The following HS6ST3 variants were observed in gnomAD, a reference collection of about 807,000 sequenced individuals.
The protein encoded by HS6ST3 is heparan sulfate 6-O-sulfotransferase 3.
Under a neutral mutation model 36.7 loss-of-function variants are expected in HS6ST3, and 12 were observed. The observed-to-expected ratio is 0.33, with a 90% confidence interval of 0.21 to 0.53. The LOEUF is 0.53. Ranked by LOEUF, HS6ST3 falls within the 20% of genes least tolerant of loss-of-function variation. The pLI, the probability that HS6ST3 is intolerant of heterozygous loss-of-function variation, is 0.95. For missense variants in HS6ST3, 584 were observed against 640.9 expected (o/e 0.91, Z 0.96); for synonymous variants, 240 against 257.5 (o/e 0.93, Z 0.65).
chr13:96,147,079 C>T (rs1026269711), intron 1 of HS6ST3, among the ~76,000 whole-genome samples: 1 of 152,188 alleles, frequency 6.6e-6, no homozygotes, highest in Non-Finnish European at 1.5e-5. Context: ...GTCAAACTTT[C>T]ATTTTCTCAA....
chr13:96,578,131 C>T (rs1277698870), intron 1 of HS6ST3, among the ~76,000 whole-genome samples: 1 of 152,216 alleles, frequency 6.6e-6, no homozygotes, highest in East Asian at 1.9e-4. Flanking sequence ...CCCTTATCCT[C>T]CCACACAAGT....
intron 1 of HS6ST3, among the ~76,000 whole-genome samples, chr13:96,212,429 G>A (rs1482541851): frequency 6.6e-6 from 1 of 152,216 alleles, no homozygotes; most frequent in Non-Finnish European, 1.5e-5. Context: ...AATAATTAGA[G>A]AAAATTAGGA....
At chr13:96,287,594 C>T (rs2054809904) in intron 1 of HS6ST3, among the ~76,000 whole-genome samples, 1 of 152,048 alleles carries the variant, frequency 6.6e-6, no homozygotes, top group Non-Finnish European at 1.5e-5. Flanking sequence ...TAATGCTGAA[C>T]ATAATTACAA....
chr13:96,678,599 A>G (rs2056707274), intron 1 of HS6ST3, among the ~76,000 whole-genome samples: 2 of 151,820 alleles, frequency 1.3e-5, no homozygotes, highest in East Asian at 3.9e-4. Flanking sequence ...GCTTGAATCC[A>G]GGAGGCAGAG....
chr13:96,240,175 T>C (rs1273729523), intron 1 of HS6ST3, among the ~76,000 whole-genome samples: 2 of 152,226 alleles, frequency 1.3e-5, no homozygotes, highest in Admixed American at 6.5e-5. Context: ...CATTTCAGGT[T>C]CAGTACTAGG....
rs1594788743 is a variant in HS6ST3 at position 96,477,129 on chromosome 13, C to T, written c.708-355361C>T. Among the ~76,000 whole-genome samples, 6 of 152,162 alleles carry T rather than the reference C, an allele frequency of 3.9e-5. No individual in the cohort carries two copies. The South Asian group carries it at 1.2e-3, about 31-fold the overall frequency. ...TTTAGAGTTCTCCCCATTCCTCCCT[C>T]TCCCCATCACCGAAATTACACTCTA... On this transcript the variant is annotated intron_variant, in intron 1 of 1. Transcript: ENST00000376705.
intron 1 of HS6ST3, among the ~76,000 whole-genome samples, chr13:96,107,331 T>A (rs2053846401): frequency 1.3e-5 from 2 of 152,108 alleles, no homozygotes; most frequent in South Asian, 4.2e-4. Flanking sequence ...TGTAAATGGC[T>A]GCCTAAGATG....
chr13:96,276,763 T>C (rs1356958355), intron 1 of HS6ST3, among the ~76,000 whole-genome samples: 1 of 152,206 alleles, frequency 6.6e-6, no homozygotes, highest in Non-Finnish European at 1.5e-5. Context: ...CTTTTAAGTG[T>C]GCCAGAATCA....
Position 96,112,578 on chromosome 13 carries a change from A to AATATAT in HS6ST3, c.707+21048_707+21053dup, listed in dbSNP as rs59107741. ...TAAAACCCCATCTCTAAAATAAATA[A>AATATAT]ATATATATATATATATATATATATA... On this transcript the variant is annotated intron_variant, in intron 1 of 1. Coordinates refer to ENST00000376705, the MANE Select transcript of HS6ST3 (RefSeq NM_153456.4). Among the ~76,000 whole-genome samples, 129 of 81,156 alleles carry AATATAT rather than the reference A, an allele frequency of 1.6e-3. 3 individuals carry two copies. The highest frequency in any genetic ancestry group is 2.5e-3 in the Admixed American group (15 of 6,122). The allele number at this position is 81,156 out of a possible 152,430, so 53.2% of individuals were successfully genotyped here.
intron 1 of HS6ST3, among the ~76,000 whole-genome samples, chr13:96,223,975 C>T (rs562412209): frequency 1.8e-4 from 27 of 151,856 alleles, no homozygotes; most frequent in Non-Finnish European, 3.4e-4. Flanking sequence ...CTTCCCTTCC[C>T]TCTTCTTCCT....
intron 1 of HS6ST3, among the ~76,000 whole-genome samples, chr13:96,142,707 T>G (rs1374025454): frequency 6.6e-6 from 1 of 152,152 alleles, no homozygotes; most frequent in Non-Finnish European, 1.5e-5. Context: ...TTTAGAAATG[T>G]GGTAAACATA....
At chr13:96,572,865 ATCCATT>A (rs2056305890) in intron 1 of HS6ST3, among the ~76,000 whole-genome samples, 1 of 152,204 alleles carries the variant, frequency 6.6e-6, no homozygotes, top group Non-Finnish European at 1.5e-5. Context: ...ACTATACCTT[ATCCATT>A]CTAATTCCAA....
chr13:96,210,577 T>C (rs1339127680), intron 1 of HS6ST3, among the ~76,000 whole-genome samples: 1 of 151,282 alleles, frequency 6.6e-6, no homozygotes, highest in African/African-American at 2.4e-5. Context: ...GTTGTTATCA[T>C]TTCTTTCTTT....
chr13:96,691,895 A>G (rs1327130868), intron 1 of HS6ST3, among the ~76,000 whole-genome samples: 3 of 152,138 alleles, frequency 2.0e-5, no homozygotes, highest in Admixed American at 6.5e-5. Flanking sequence ...GTAGAAGAAA[A>G]CAGTGATAGA....
intron 1 of HS6ST3, among the ~76,000 whole-genome samples, chr13:96,794,137 G>A (rs978321108): frequency 1.6e-4 from 24 of 152,074 alleles, no homozygotes; most frequent in Middle Eastern, 3.4e-3. Context: ...GAACTTTTGT[G>A]TTCTCAAATG....
intron 1 of HS6ST3, among the ~76,000 whole-genome samples, chr13:96,204,187 A>G (rs1198706706): frequency 1.3e-5 from 2 of 152,184 alleles, no homozygotes; most frequent in Non-Finnish European, 2.9e-5. Flanking sequence ...ATCATAGAAA[A>G]GCAGGGGTTG....
In HS6ST3 at chr13:96,187,753, C is replaced by T. The variant is rs542479483; in HGVS notation, c.707+96184C>T. ...CACCCTTTGATTGGCCAGCCAATGC[C>T]GTGTTGGTGTTCCATTCTACCTGCC... On this transcript the variant is annotated intron_variant, in intron 1 of 1. Transcript: ENST00000376705. Among the ~76,000 whole-genome samples the T allele has an allele frequency of 9.0e-4, 137 of 152,286 alleles. 1 individual carries two copies. Among genetic ancestry groups the T allele is most frequent in the African/African-American group, 3.1e-3 (128 of 41,554 alleles).
chr13:96,452,289 T>C (rs762272507), intron 1 of HS6ST3, among the ~76,000 whole-genome samples: 1 of 152,140 alleles, frequency 6.6e-6, no homozygotes, highest in Non-Finnish European at 1.5e-5. Flanking sequence ...AATATTGAGT[T>C]TGTGCTCCAA....
chr13:96,803,733 T>C (rs1041820439), intron 1 of HS6ST3, among the ~76,000 whole-genome samples: 1 of 152,146 alleles, frequency 6.6e-6, no homozygotes, highest in African/African-American at 2.4e-5. Flanking sequence ...AAAGGTTTCG[T>C]GTTGGGGCAT....
Sources: allele counts gnomAD v4.1 joint callset (sites outside exome capture counted in the v4.1 genomes callset), GRCh38; gene constraint gnomAD v4.1.1; transcripts MANE v1.5; gene names NCBI Gene and HGNC (gene_info 2026-07-23, HGNC 2026-07-21).